The following ASIC2 variants were observed in gnomAD, a reference collection of about 807,000 sequenced individuals.
ASIC2 encodes acid-sensing ion channel 2.
A neutral mutation model predicts 57.3 loss-of-function variants in ASIC2; 25 were observed. That is an observed-to-expected ratio of 0.44 (90% confidence interval 0.32 to 0.61). ASIC2 has a LOEUF of 0.61. Ranked by LOEUF, ASIC2 falls within the 20% of genes least tolerant of loss-of-function variation. The probability of loss-of-function intolerance (pLI) is 0.06; values close to 1 mark genes in which losing one functional copy is unlikely to be tolerated. For missense variants in ASIC2, 641 were observed against 738.1 expected (o/e 0.87, Z 1.52); for synonymous variants, 319 against 307.5 (o/e 1.04, Z -0.39).
intron 1 of ASIC2, among the ~76,000 whole-genome samples, chr17:33,257,865 C>T (rs1049108235): frequency 2.0e-5 from 3 of 152,174 alleles, no homozygotes; most frequent in Non-Finnish European, 4.4e-5. Context: ...AGCTGGGTAA[C>T]CTTAGGTAAG....
chr17:33,756,910 T>A (rs946825725), intron 1 of ASIC2, among the ~76,000 whole-genome samples: 1 of 152,182 alleles, frequency 6.6e-6, no homozygotes, highest in Non-Finnish European at 1.5e-5. Flanking sequence ...GGAAATAGGT[T>A]TCACTGGGCA....
chr17:33,047,112 G>C (rs16588), intron 3 of ASIC2, among the ~76,000 whole-genome samples: 1 of 152,122 alleles, frequency 6.6e-6, no homozygotes, highest in African/African-American at 2.4e-5. Context: ...CCTCTTCCTG[G>C]ATCTTTTCAG....
chr17:33,671,969 C>G (rs1187017344), intron 1 of ASIC2, among the ~76,000 whole-genome samples: 1 of 152,152 alleles, frequency 6.6e-6, no homozygotes, highest in African/African-American at 2.4e-5. Context: ...AAATTGCACT[C>G]TTCTTGCAAA....
chr17:33,730,522 G>C (rs1325893318), intron 1 of ASIC2, among the ~76,000 whole-genome samples: 1 of 152,220 alleles, frequency 6.6e-6, no homozygotes, highest in African/African-American at 2.4e-5. Context: ...TTCAGGAATA[G>C]ATATGAGTGA....
In ASIC2 at chr17:34,051,201, T is replaced by C. The variant is rs139339073; in HGVS notation, c.555+104777A>G. Reference sequence around the variant, plus strand: ...CTAATCCCTTTCTCAAACAAGCTCATGGCAGCAAGCAAACTGGTGACGTGT... The same window carrying C: ...CTAATCCCTTTCTCAAACAAGCTCACGGCAGCAAGCAAACTGGTGACGTGT... On this transcript the variant is annotated intron_variant, in intron 1 of 9. Coordinates refer to the ASIC2 transcript ENST00000359872. Among the ~76,000 whole-genome samples, 549 of 152,332 alleles carry C rather than the reference T, an allele frequency of 3.6e-3. 7 individuals carry two copies. The highest frequency in any genetic ancestry group is 0.012 in the African/African-American group (506 of 41,592).
At chr17:33,370,029 G>A (rs918244011) in intron 1 of ASIC2, among the ~76,000 whole-genome samples, 2 of 152,102 alleles carry the variant, frequency 1.3e-5, no homozygotes, top group African/African-American at 4.8e-5. Flanking sequence ...GGCATGCAGG[G>A]CCAGAGATGA....
At chr17:33,321,534 A>G (rs1430182787) in intron 1 of ASIC2, among the ~76,000 whole-genome samples, 1 of 152,212 alleles carries the variant, frequency 6.6e-6, no homozygotes, top group Non-Finnish European at 1.5e-5. Context: ...GCATTAAAAT[A>G]CTTATTCCTA....
intron 1 of ASIC2, among the ~76,000 whole-genome samples, chr17:33,850,151 C>A (rs1364530459): frequency 6.6e-6 from 1 of 152,128 alleles, no homozygotes; most frequent in Non-Finnish European, 1.5e-5. Flanking sequence ...GGGCTTATGG[C>A]CCACTGAGGT....
intron 1 of ASIC2, among the ~76,000 whole-genome samples, chr17:33,432,362 A>G (rs545547815): frequency 6.6e-6 from 1 of 152,302 alleles, no homozygotes; most frequent in African/African-American, 2.4e-5. Flanking sequence ...CAAAAAGTAC[A>G]AAAATTGGCT....
intron 1 of ASIC2, among the ~76,000 whole-genome samples, chr17:33,602,390 G>T (rs1481837612): frequency 6.6e-6 from 1 of 152,054 alleles, no homozygotes; most frequent in South Asian, 2.1e-4. Context: ...CCAGGAGTAG[G>T]CTCCTGATAC....
intron 1 of ASIC2, among the ~76,000 whole-genome samples, chr17:33,917,429 C>T (rs993234004): frequency 1.3e-5 from 2 of 152,168 alleles, no homozygotes; most frequent in Non-Finnish European, 2.9e-5. Context: ...GTCATTGCAA[C>T]CCCTTCACAT....
intron 1 of ASIC2, among the ~76,000 whole-genome samples, chr17:33,335,732 A>G (rs1403236092): frequency 6.6e-6 from 1 of 152,212 alleles, no homozygotes; most frequent in African/African-American, 2.4e-5. Flanking sequence ...CTGTAGCCAC[A>G]TAGTCATGAA....
chr17:34,057,532 C>A (rs115037617), intron 1 of ASIC2, among the ~76,000 whole-genome samples: 1 of 151,816 alleles, frequency 6.6e-6, no homozygotes, highest in African/African-American at 2.4e-5. Context: ...AGTAGGAGGA[C>A]GGATATAATC....
Position 33,848,521 on chromosome 17 carries a change from T to C in ASIC2, c.555+307457A>G, listed in dbSNP as rs139078682. 9.4e-4 allele frequency among the ~76,000 whole-genome samples: 143 copies of C among 152,312 alleles called. No homozygotes were observed. The Middle Eastern group carries it at 0.024, about 25-fold the overall frequency. On this transcript the variant is annotated intron_variant, in intron 1 of 9. Transcript: ENST00000359872. ...TCCCTGCTTCAAAAGGGCCAAGCTT[T>C]AGAGGCTCTCATGCCCTTAGGGACT...
intron 1 of ASIC2, among the ~76,000 whole-genome samples, chr17:33,549,517 A>AC (rs1037466145): frequency 3.7e-4 from 56 of 152,086 alleles, no homozygotes; most frequent in African/African-American, 1.2e-3. Flanking sequence ...ACCTGCTTTA[A>AC]CCTGCTTCAT....
intron 1 of ASIC2, among the ~76,000 whole-genome samples, chr17:34,131,686 A>G (rs1445717240): frequency 1.3e-5 from 2 of 152,250 alleles, no homozygotes; most frequent in Non-Finnish European, 2.9e-5. Context: ...ACACTCTACC[A>G]CAAAAACAAA....
At chr17:34,111,344 G>A (rs1320972099) in intron 1 of ASIC2, among the ~76,000 whole-genome samples, 1 of 148,346 alleles carries the variant, frequency 6.7e-6, no homozygotes. Context: ...ATATATACAG[G>A]CACCAAAAAT....
At chr17:33,568,541 C>A (rs989685108) in intron 1 of ASIC2, among the ~76,000 whole-genome samples, 3 of 152,124 alleles carry the variant, frequency 2.0e-5, no homozygotes, top group Admixed American at 6.5e-5. Context: ...GAAATGGTAC[C>A]TTCCAGAATC....
At chr17:33,368,201 TA>T (rs1022419261) in intron 1 of ASIC2, among the ~76,000 whole-genome samples, 4 of 152,184 alleles carry the variant, frequency 2.6e-5, no homozygotes, top group Non-Finnish European at 5.9e-5. Flanking sequence ...GTCTAGGTCA[TA>T]AAAAGTGAAA....
Sources: allele counts gnomAD v4.1 joint callset (sites outside exome capture counted in the v4.1 genomes callset), GRCh38; gene constraint gnomAD v4.1.1; transcripts MANE v1.5; gene names NCBI Gene and HGNC (gene_info 2026-07-23, HGNC 2026-07-21).